Variants in COL5A1 observed in about 807,000 individuals in gnomAD.
COL5A1 encodes the protein collagen alpha-1(V) chain.
Under a neutral mutation model 263.7 loss-of-function variants are expected in COL5A1, and 16 were observed. The ratio of observed to expected loss-of-function variants is 0.06; its 90% CI spans 0.04 to 0.09. The LOEUF is 0.09. Ranked by LOEUF, COL5A1 falls within the 10% of genes least tolerant of loss-of-function variation. The probability of loss-of-function intolerance (pLI) is 1.00; values close to 1 mark genes in which losing one functional copy is unlikely to be tolerated. For missense variants in COL5A1, 2,036 were observed against 2,540.5 expected, an observed-to-expected ratio of 0.80 and a Z score of 4.27; for synonymous variants, 1,012 against 1,004.5, an observed-to-expected ratio of 1.01 and a Z score of -0.14.
In COL5A1 at chr9:134,794,743, AGGAGGAGGG is replaced by A. The variant is rs1837833695; in HGVS notation, c.2701-337_2701-329del. On this transcript the variant is annotated intron_variant, in intron 32 of 65. Coordinates refer to ENST00000371817, the MANE Select transcript of COL5A1 (RefSeq NM_000093.5). The surrounding 1 kb of genome is among the most constrained non-coding windows in gnomAD (Gnocchi z 4.3). Reference sequence around the variant, plus strand: ...GAGGACAGAGAGAGAAAGAGAGATGAGGAGGAGGGGAAGGAGGGAGGAAGGAGGAGGAGG... The same window carrying A: ...GAGGACAGAGAGAGAAAGAGAGATGAGAAGGAGGGAGGAAGGAGGAGGAGG... Among the ~76,000 whole-genome samples the A allele has an allele frequency of 1.3e-5, 2 of 152,116 alleles. No individual in the cohort carries two copies. The highest frequency in any genetic ancestry group is 4.1e-4 in the South Asian group (2 of 4,828).
Position 134,801,942 on chromosome 9 carries a change from C to T in COL5A1, c.2953-12C>T. On this transcript the variant is annotated splice_polypyrimidine_tract_variant and intron_variant, in intron 37 of 65. Coordinates refer to ENST00000371817, the MANE Select transcript of COL5A1 (RefSeq NM_000093.5). ...CTGCAGCACCGTCAGTGCAGTGACTCTCTCTTCACAGGGTTTCCAAGGCAA... is the reference window on the plus strand; with the variant it reads ...CTGCAGCACCGTCAGTGCAGTGACTTTCTCTTCACAGGGTTTCCAAGGCAA... 1.9e-6 allele frequency: 3 copies of T among 1,613,286 alleles called. No homozygotes were observed. Among genetic ancestry groups the T allele is most frequent in the Non-Finnish European group, 2.5e-6 (3 of 1,179,948 alleles).
At chr9:134,650,056 G>A (rs527660614) in intron 1 of COL5A1, among the ~76,000 whole-genome samples, 1 of 152,102 alleles carries the variant, frequency 6.6e-6, no homozygotes, top group Non-Finnish European at 1.5e-5. Context: ...GCTAGGGGAG[G>A]GAGAGCATTA....
intron 18 of COL5A1, among the ~76,000 whole-genome samples, chr9:134,761,007 C>T (rs1163272623): frequency 1.3e-5 from 2 of 148,356 alleles, no homozygotes; most frequent in African/African-American, 5.0e-5. Context: ...ACGTGCACAC[C>T]AGCCACACAC....
Position 134,812,634 on chromosome 9 carries a change from A to G in COL5A1, c.3774A>G (p.Gly1258=), listed in dbSNP as rs938941709. ...CCCCGGGTCCCCCTGGCCCCCGAGGACCCTCCGGAGCTCCAGGTGCTGATG... is the reference window on the plus strand; with the variant it reads ...CCCCGGGTCCCCCTGGCCCCCGAGGGCCCTCCGGAGCTCCAGGTGCTGATG... The part of the protein sequence containing the change: ...MGPPGPPGPR[G]PSGAPGADGP... The change falls in exon 48 of 66, where the codon GGA becomes GGG. Residue 1258 remains glycine (G), a synonymous_variant. Transcript: ENST00000371817. 4.4e-6 allele frequency: 7 copies of G among 1,601,140 alleles called. No homozygotes were observed. The highest frequency in any genetic ancestry group is 6.0e-6 in the Non-Finnish European group (7 of 1,174,254).
chr9:134,701,460 TG>T (rs1470629954), intron 4 of COL5A1, 127 bp downstream of exon 4: 19 of 939,916 alleles, frequency 2.0e-5, no homozygotes, highest in Non-Finnish European at 2.8e-5. Flanking sequence ...TCACCGTCTC[TG>T]TTGGTCAGAA....
At position 134,741,447 on chromosome 9, in the gene COL5A1, G is replaced by A. The variant is rs919393511; in HGVS notation, c.1494+2639G>A. Among the ~76,000 whole-genome samples, 13 of 152,174 alleles carry A rather than the reference G, an allele frequency of 8.5e-5. No homozygotes were observed. Among genetic ancestry groups the A allele is most frequent in the Non-Finnish European group, 1.2e-4 (8 of 68,030 alleles). ...AAGGAAAAGGGGGTTTGGGCTTCGC[G>A]GGGTGACAGATGGTGGGCAAGTGAC... On this transcript the variant is annotated intron_variant, in intron 11 of 65. Transcript: ENST00000371817. This position sits in a 1 kb window ranked among gnomAD's most constrained non-coding sequence, Gnocchi z 4.5.
rs1836092864 is a variant in COL5A1, at chr9:134,758,858, T to C, written c.1935+562T>C. Among the ~76,000 whole-genome samples, 1 of 152,124 alleles carries C rather than the reference T, an allele frequency of 6.6e-6. No homozygotes were observed. Among genetic ancestry groups the C allele is most frequent in the Admixed American group, 6.5e-5 (1 of 15,280 alleles). On this transcript the variant is annotated intron_variant, in intron 18 of 65. Transcript: ENST00000371817. This position sits in a 1 kb window ranked among gnomAD's most constrained non-coding sequence, Gnocchi z 4.1. ...CCTGGGGGTCTTCCTGGCTGCGCCGTTTCTATGTGGTTGTTGGAGAACACA... is the reference window on the plus strand; with the variant it reads ...CCTGGGGGTCTTCCTGGCTGCGCCGCTTCTATGTGGTTGTTGGAGAACACA...
chr9:134,699,714 G>C (rs1300445158), intron 2 of COL5A1, among the ~76,000 whole-genome samples, 195 bp from the exon 3 acceptor site: 1 of 152,210 alleles, frequency 6.6e-6, no homozygotes, highest in Non-Finnish European at 1.5e-5. Context: ...GAAGGGGGCA[G>C]GTTTGGCCAA....
At chr9:134,666,334 G>A (rs58811417) in intron 1 of COL5A1, among the ~76,000 whole-genome samples, 1 of 152,196 alleles carries the variant, frequency 6.6e-6, no homozygotes, top group Admixed American at 6.5e-5. Flanking sequence ...AAACTGGCAC[G>A]GGGTCCCTGG....
At chr9:134,819,632 G>C (rs1838910562) in intron 57 of COL5A1, among the ~76,000 whole-genome samples, 1 of 152,184 alleles carries the variant, frequency 6.6e-6, no homozygotes, top group Non-Finnish European at 1.5e-5. Context: ...GGCTTGCCCT[G>C]GGTTCCTAGA....
rs564916838 is a variant in COL5A1, at chr9:134,831,176, C to T, written c.5136+1132C>T. On this transcript the variant is annotated intron_variant, in intron 64 of 65. Transcript: ENST00000371817. ...CCAGCCTCCCTGGGTGGACACAGAG[C>T]ACTGGCCCTGAGCCGCCTTTGCCCT... 6.8e-4 allele frequency among the ~76,000 whole-genome samples: 104 copies of T among 152,358 alleles called. 1 individual carries two copies. The highest frequency in any genetic ancestry group is 7.2e-4 in the Non-Finnish European group (49 of 68,038).
At position 134,682,866 on chromosome 9, in the gene COL5A1, A is replaced by G. The variant is rs2132533838; in HGVS notation, c.110-8046A>G. Among the ~76,000 whole-genome samples, 1 of 152,282 alleles carries G rather than the reference A, an allele frequency of 6.6e-6. No homozygotes were observed. The highest frequency in any genetic ancestry group is 1.5e-5 in the Non-Finnish European group (1 of 68,020). ...TGGGAGCGGGGACTGCGGCCAGCAC[A>G]TCATCCGGTGGGGACAGACAGCCTG... On this transcript the variant is annotated intron_variant, in intron 1 of 65. Transcript: ENST00000371817. The surrounding 1 kb of genome is among the most constrained non-coding windows in gnomAD (Gnocchi z 5.1).
At chr9:134,772,897 G>A in intron 26 of COL5A1, 63 bp downstream of exon 26, 1 of 1,519,660 alleles carries the variant, frequency 6.6e-7, no homozygotes, top group Non-Finnish European at 9.1e-7. Flanking sequence ...AGGTGCTCTG[G>A]GCTCAGCCTC....
intron 11 of COL5A1, among the ~76,000 whole-genome samples, chr9:134,746,819 T>C (rs1835530151): frequency 6.6e-6 from 1 of 152,276 alleles, no homozygotes; most frequent in Non-Finnish European, 1.5e-5. Context: ...ATATTTTGCC[T>C]GTGGCTGGAG....
intron 65 of COL5A1, among the ~76,000 whole-genome samples, chr9:134,838,414 A>G (rs1329593168): frequency 2.0e-5 from 3 of 152,204 alleles, no homozygotes; most frequent in Admixed American, 2.0e-4. Flanking sequence ...CCTGTCTCCC[A>G]TGGAACCCAA....
chr9:134,746,024 C>T (rs2132670569), intron 11 of COL5A1, among the ~76,000 whole-genome samples: 1 of 152,296 alleles, frequency 6.6e-6, no homozygotes, highest in African/African-American at 2.4e-5. Flanking sequence ...AAGATCTCAT[C>T]TCAAGATCCT....
rs1835899767 is a variant in COL5A1, at chr9:134,754,380, G to T, written c.1827+54G>T. The T allele has an allele frequency of 3.7e-6, 6 of 1,607,552 alleles. No homozygotes were observed. Among genetic ancestry groups the T allele is most frequent in the Non-Finnish European group, 5.1e-6 (6 of 1,174,644 alleles). ...TGACAGCAGCTTGGGCGCTGGAGGAGCCCAAATCTGGGGTGCGGGCACCCC... is the reference window on the plus strand; with the variant it reads ...TGACAGCAGCTTGGGCGCTGGAGGATCCCAAATCTGGGGTGCGGGCACCCC... On this transcript the variant is annotated intron_variant, in intron 16 of 65. Coordinates refer to ENST00000371817, the MANE Select transcript of COL5A1 (RefSeq NM_000093.5). This position sits in a 1 kb window ranked among gnomAD's most constrained non-coding sequence, Gnocchi z 4.3.
intron 29 of COL5A1, 44 bp from the exon 30 acceptor site, chr9:134,784,945 T>G (rs1837398760): frequency 8.0e-7 from 1 of 1,252,304 alleles, no homozygotes; most frequent in African/African-American, 1.8e-5. Context: ...GAATAGTGTG[T>G]GTGCGGGGGG....
chr9:134,654,525 G>T (rs1314472551), intron 1 of COL5A1, among the ~76,000 whole-genome samples: 1 of 132,016 alleles, frequency 7.6e-6, no homozygotes, highest in African/African-American at 2.9e-5. Flanking sequence ...AGGTGTGCAG[G>T]GCTGGGTGTG....
Sources: gnomAD v4.1 joint callset for allele counts (sites outside exome capture counted in the v4.1 genomes callset) on GRCh38, gnomAD v4.1.1 for gene constraint, Gnocchi (gnomAD v3.1) non-coding constraint, MANE v1.5 for transcripts, NCBI Gene and HGNC (gene_info 2026-07-23, HGNC 2026-07-21) for gene names.